The following DDX54 variants were observed in gnomAD, a reference collection of about 807,000 sequenced individuals.
DDX54 encodes DEAD-box helicase 54.
DDX54 carries 67 observed loss-of-function variants against 105.5 expected under a neutral mutation model. That is an observed-to-expected ratio of 0.64 (90% confidence interval 0.52 to 0.78). DDX54 has a LOEUF of 0.78. DDX54 is among the 30% of genes least tolerant of loss of function. DDX54 has a pLI of 0.00. For synonymous variants in DDX54, 514 were observed against 509.9 expected (o/e 1.01, Z -0.11); for missense variants, 1,206 against 1,230.5 (o/e 0.98, Z 0.30).
chr12:113,162,374 T>C (rs1382376578), intron 17 of DDX54, among the ~76,000 whole-genome samples: 2 of 152,156 alleles, frequency 1.3e-5, no homozygotes, highest in Non-Finnish European at 2.9e-5. Context: ...CTGAGCCCTG[T>C]CTAGAAAGAC....
At chr12:113,180,355 A>T (rs1186849122) in intron 2 of DDX54, among the ~76,000 whole-genome samples, 4 of 151,888 alleles carry the variant, frequency 2.6e-5, no homozygotes, top group Admixed American at 1.3e-4. Context: ...GGATGTCTGG[A>T]ATGAACTTCA....
intron 12 of DDX54, among the ~76,000 whole-genome samples, 158 bp downstream of exon 12, chr12:113,169,612 C>T (rs1761769871): frequency 6.6e-6 from 1 of 152,146 alleles, no homozygotes; most frequent in Non-Finnish European, 1.5e-5. Flanking sequence ...CAGAGCGAGG[C>T]TCTGTCTCAA....
At chr12:113,168,697 G>A (rs941309421) in intron 12 of DDX54, among the ~76,000 whole-genome samples, 10 of 152,182 alleles carry the variant, frequency 6.6e-5, no homozygotes, top group Admixed American at 2.6e-4. Context: ...TTGGGAGGCC[G>A]AGGCGGGCAG....
In DDX54 at chr12:113,157,577, G is replaced by A; in HGVS notation, c.*1300C>T. 6.5e-7 allele frequency: 1 copy of A among 1,549,802 alleles called. No individual in the cohort carries two copies. Among genetic ancestry groups the A allele is most frequent in the Non-Finnish European group, 8.7e-7 (1 of 1,145,428 alleles). On this transcript the variant is annotated 3_prime_UTR_variant, in exon 20 of 20. Transcript: ENST00000306014. Reference sequence around the variant, plus strand: ...TGGACAGTGACTCTGGGGCTGGGATGTGACTTCGTGCTGGGCCCCCCCAGG... The same window carrying A: ...TGGACAGTGACTCTGGGGCTGGGATATGACTTCGTGCTGGGCCCCCCCAGG...
intron 7 of DDX54, among the ~76,000 whole-genome samples, chr12:113,176,370 C>T (rs1202361603): frequency 2.0e-5 from 3 of 152,188 alleles, no homozygotes; most frequent in Non-Finnish European, 2.9e-5. Context: ...GAGTTTAAGA[C>T]CAGCCTGGCC....
At position 113,157,875 on chromosome 12, in the gene DDX54, G is replaced by A; in HGVS notation, c.*1002C>T. The A allele has an allele frequency of 3.3e-6, 2 of 599,550 alleles. No homozygotes were observed. The highest frequency in any genetic ancestry group is 3.0e-6 in the Non-Finnish European group (1 of 333,898). 37.1% of individuals were successfully genotyped at this position (599,550 alleles called of 1,614,324 possible). Reference sequence around the variant, plus strand: ...ACATAGCAAGCACTCCATAAATGCAGGCCCTGATGAGGAGGTGATGGGAAG... The same window carrying A: ...ACATAGCAAGCACTCCATAAATGCAAGCCCTGATGAGGAGGTGATGGGAAG... On this transcript the variant is annotated 3_prime_UTR_variant, in exon 20 of 20. Coordinates refer to ENST00000306014, the MANE Select transcript of DDX54 (RefSeq NM_024072.4).
Position 113,185,396 on chromosome 12 carries a change from T to G in DDX54, c.56A>C (p.Gln19Pro). 6.4e-7 allele frequency: 1 copy of G among 1,557,034 alleles called. No individual in the cohort carries two copies. Among genetic ancestry groups the G allele is most frequent in the Non-Finnish European group, 8.7e-7 (1 of 1,154,230 alleles). The stretch of plus-strand genomic sequence containing the variant: ...CCGGAGCCCTTTCTTCTTCCTCCAC[T>G]GGGCCATGGCAGCTCGCGACCGAGG... ...AGPRSRAAMA[Q>P]WRKKKGLRKR... is the part of the protein sequence containing the mutation. The change falls in exon 1 of 20, where the codon CAG becomes CCG. Residue 19 changes from glutamine (Q) to proline (P), a missense_variant. Physicochemically the swap from Gln to Pro is moderately conservative, Grantham distance 76. Transcript: ENST00000306014.
chr12:113,162,593 C>G (rs1402591882), intron 17 of DDX54: 1 of 341,182 alleles, frequency 2.9e-6, no homozygotes, highest in Non-Finnish European at 5.4e-6. Flanking sequence ...CACTCGATCA[C>G]TCACCCTGGG....
rs531060156 is a variant in DDX54 at position 113,182,208 on chromosome 12, C to G, written c.175-1150G>C. Among the ~76,000 whole-genome samples, 19 of 152,262 alleles carry G rather than the reference C, an allele frequency of 1.2e-4. 1 individual carries two copies. In the South Asian group the frequency reaches 3.9e-3, roughly 32 times the overall value. ...ATACAGTGACGTGCCCAAGGTCACACAGCCAGCAGGTAGTGGGTGAGGGAT... is the reference window on the plus strand; with the variant it reads ...ATACAGTGACGTGCCCAAGGTCACAGAGCCAGCAGGTAGTGGGTGAGGGAT... On this transcript the variant is annotated intron_variant, in intron 1 of 19. Transcript: ENST00000306014.
rs754693454 is a variant in DDX54 at position 113,179,301 on chromosome 12, C to A, written c.406G>T (p.Val136Leu). Reference sequence around the variant, plus strand: ...CTGCCCGTCCGGGCCATGGCCACCACGTCCTTGCCATCCAAGATCACCGGG... The same window carrying A: ...CTGCCCGTCCGGGCCATGGCCACCAAGTCCTTGCCATCCAAGATCACCGGG... ...TIPVILDGKD[V>L]VAMARTGSGK... The change falls in exon 4 of 20, where the codon GTG (valine) becomes TTG (leucine). Residue 136 changes from valine (V) to leucine (L), a missense_variant. By Grantham distance (32) the Val-to-Leu change is conservative. Around this residue, in one of 3 missense-constraint regions of DDX54, gnomAD observed 33 missense variants for 56.0 expected, o/e 0.59. Coordinates refer to ENST00000306014, the MANE Select transcript of DDX54 (RefSeq NM_024072.4). 6.2e-7 allele frequency: 1 copy of A among 1,613,732 alleles called. No individual in the cohort carries two copies. Among genetic ancestry groups the A allele is most frequent in the East Asian group, 2.2e-5 (1 of 44,890 alleles).
intron 3 of DDX54, 34 bp from the exon 4 acceptor site, chr12:113,179,365 C>T: frequency 6.2e-7 from 1 of 1,602,354 alleles, no homozygotes; most frequent in East Asian, 2.2e-5. Context: ...TCAAGGTCAG[C>T]TCCTCCCCAA....
In DDX54 at chr12:113,174,999, GACCCCCAGCCCCCATCTCC is replaced by G. The variant is rs745934244; in HGVS notation, c.874+18_874+36del. ...GGGACTGGCCCCCAGGCCCCAGCCT[GACCCCCAGCCCCCATCTCC>G]ACCCCCAGCTCACGCACCAGCCCGG... On this transcript the variant is annotated intron_variant, in intron 8 of 19. Coordinates refer to ENST00000306014, the MANE Select transcript of DDX54 (RefSeq NM_024072.4). The G allele has an allele frequency of 6.2e-7, 1 of 1,611,564 alleles. No homozygotes were observed. The highest frequency in any genetic ancestry group is 2.2e-5 in the East Asian group (1 of 44,810).
At chr12:113,179,426 A>G in intron 3 of DDX54, 95 bp from the exon 4 acceptor site, 2 of 1,354,804 alleles carry the variant, frequency 1.5e-6, no homozygotes, top group Non-Finnish European at 2.0e-6. Context: ...CATGCTATAG[A>G]TCTCAGTGAA....
At chr12:113,181,160 C>T in intron 1 of DDX54, 102 bp from the exon 2 acceptor site, 12 of 1,385,716 alleles carry the variant, frequency 8.7e-6, no homozygotes, top group Non-Finnish European at 1.1e-5. Context: ...CCATTCAAGC[C>T]AATGATGCTT....
chr12:113,173,377 T>C (rs1051898769), intron 10 of DDX54, among the ~76,000 whole-genome samples: 1 of 152,106 alleles, frequency 6.6e-6, no homozygotes, highest in African/African-American at 2.4e-5. Context: ...TGTTTAAAAA[T>C]TACTATTTTG....
intron 10 of DDX54, among the ~76,000 whole-genome samples, chr12:113,173,596 A>C (rs913081734): frequency 2.6e-5 from 4 of 152,178 alleles, no homozygotes; most frequent in African/African-American, 9.7e-5. Flanking sequence ...CACAGGCATA[A>C]CACATATGAA....
rs1592993827 is a variant in DDX54 at position 113,157,895 on chromosome 12, G to A, written c.*982C>T. ...ATGCAGGCCCTGATGAGGAGGTGAT[G>A]GGAAGGTCAAGGGGCTATGTGTGGG... On this transcript the variant is annotated 3_prime_UTR_variant, in exon 20 of 20. Transcript: ENST00000306014. 1.7e-6 allele frequency: 1 copy of A among 590,718 alleles called. No homozygotes were observed. Among genetic ancestry groups the A allele is most frequent in the Non-Finnish European group, 3.0e-6 (1 of 329,008 alleles). 36.6% of individuals were successfully genotyped at this position (590,718 alleles called of 1,614,324 possible).
intron 14 of DDX54, among the ~76,000 whole-genome samples, chr12:113,164,600 G>C (rs1340220664): frequency 3.3e-5 from 5 of 152,210 alleles, no homozygotes; most frequent in Admixed American, 6.5e-5. Context: ...TGTAGTCCCA[G>C]CTACTTAGGA....
rs1332633750 is a variant in DDX54 at position 113,185,344 on chromosome 12, G to A, written c.108C>T (p.Ala36=). 6.3e-7 allele frequency: 1 copy of A among 1,587,988 alleles called. No individual in the cohort carries two copies. The part of the protein sequence containing the change: ...LRKRRGAASQ[A]RGSDSEDGEF... ...CGCCGTCCTCCGAGTCGCTGCCGCG[G>A]GCCTGGGAGGCCGCGCCTCGGCGCT... The change falls in exon 1 of 20, where the codon GCC becomes GCT. Residue 36 remains alanine (A), a synonymous_variant. Coordinates refer to ENST00000306014, the MANE Select transcript of DDX54 (RefSeq NM_024072.4).
Sources: gnomAD v4.1 joint callset for allele counts (sites outside exome capture counted in the v4.1 genomes callset) on GRCh38, gnomAD v4.1.1 for gene constraint, gnomAD v4.1.1 regional missense constraint, MANE v1.5 for transcripts, NCBI Gene and HGNC (gene_info 2026-07-23, HGNC 2026-07-21) for gene names.